Variants in CARMIL1 observed in about 807,000 individuals in gnomAD.
CARMIL1 encodes the protein capping protein regulator and myosin 1 linker 1, also known as F-actin-uncapping protein LRRC16A.
Under a neutral mutation model 177.1 loss-of-function variants are expected in CARMIL1, and 90 were observed. The observed-to-expected ratio is 0.51, with a 90% CI of 0.43 to 0.61. The LOEUF (loss-of-function observed/expected upper bound fraction) is 0.61, where lower values mean the gene tolerates loss of function less well. CARMIL1 is among the 20% of genes least tolerant of loss of function. The pLI is 0.00. For missense variants in CARMIL1, 1,380 were observed against 1,667.0 expected, an observed-to-expected ratio of 0.83 and a Z score of 3.00; for synonymous variants, 577 against 606.2, an observed-to-expected ratio of 0.95 and a Z score of 0.71.
chr6:25,497,226 G>A (rs1005798504), intron 16 of CARMIL1, among the ~76,000 whole-genome samples: 1 of 152,176 alleles, frequency 6.6e-6, no homozygotes, highest in Non-Finnish European at 1.5e-5. Context: ...AGGATGAAAA[G>A]GAATTTGCAC....
At chr6:25,508,179 G>C (rs886908644) in intron 17 of CARMIL1, among the ~76,000 whole-genome samples, 1 of 152,264 alleles carries the variant, frequency 6.6e-6, no homozygotes, top group East Asian at 1.9e-4. Context: ...AGATAGGCTC[G>C]ATGGGGCATT....
At chr6:25,282,955 A>C (rs544464760) in intron 1 of CARMIL1, among the ~76,000 whole-genome samples, 1 of 152,312 alleles carries the variant, frequency 6.6e-6, no homozygotes, top group South Asian at 2.1e-4. Context: ...TCCTATGTAC[A>C]TTTATTTGTT....
chr6:25,365,629 T>C (rs1789701534), intron 2 of CARMIL1, among the ~76,000 whole-genome samples: 1 of 152,186 alleles, frequency 6.6e-6, no homozygotes, highest in Non-Finnish European at 1.5e-5. Flanking sequence ...CTCAGCCCAC[T>C]GCAACCTTCA....
chr6:25,314,098 A>G (rs1246479699), intron 2 of CARMIL1, among the ~76,000 whole-genome samples: 2 of 149,396 alleles, frequency 1.3e-5, no homozygotes, highest in Non-Finnish European at 3.0e-5. Flanking sequence ...TGAACTCTAA[A>G]CTCTTTGGCA....
At chr6:25,551,226 T>A in intron 27 of CARMIL1, 141 bp downstream of exon 27, 1 of 632,012 alleles carries the variant, frequency 1.6e-6, no homozygotes, top group East Asian at 2.8e-5. Flanking sequence ...TATATAAATA[T>A]AACTGTGCAT....
At chr6:25,353,458 A>G (rs894607119) in intron 2 of CARMIL1, among the ~76,000 whole-genome samples, 1 of 152,118 alleles carries the variant, frequency 6.6e-6, no homozygotes, top group Non-Finnish European at 1.5e-5. Context: ...ATCTCTTGCC[A>G]TGTGTCTAAA....
intron 8 of CARMIL1, 44 bp downstream of exon 8, chr6:25,450,755 CCTCCCTCCCT>C: frequency 2.1e-6 from 1 of 466,940 alleles, no homozygotes; most frequent in South Asian, 2.4e-5. Flanking sequence ...TCCCTCCCTT[CCTCCCTCCCT>C]TCCTCCCTCC....
chr6:25,586,143 C>T (rs1813644429), intron 31 of CARMIL1, among the ~76,000 whole-genome samples: 1 of 148,610 alleles, frequency 6.7e-6, no homozygotes, highest in Non-Finnish European at 1.5e-5. Context: ...GGGGGGTTGC[C>T]CCCCACCTCC....
At chr6:25,603,592 T>C (rs914456515) in intron 33 of CARMIL1, among the ~76,000 whole-genome samples, 14 of 152,122 alleles carry the variant, frequency 9.2e-5, no homozygotes, top group African/African-American at 3.1e-4. Flanking sequence ...GCTGCAGAGC[T>C]TTTTAGGTTT....
At chr6:25,315,444 A>T (rs887278686) in intron 2 of CARMIL1, among the ~76,000 whole-genome samples, 6 of 152,094 alleles carry the variant, frequency 3.9e-5, no homozygotes, top group Admixed American at 1.3e-4. Flanking sequence ...TCTGCGGTCT[A>T]CCCTAAGGGC....
At chr6:25,532,193 G>T (rs1807833124) in intron 24 of CARMIL1, among the ~76,000 whole-genome samples, 1 of 151,800 alleles carries the variant, frequency 6.6e-6, no homozygotes, top group South Asian at 2.1e-4. Context: ...TCTGCCTCCG[G>T]GTTCAAGCGA....
intron 28 of CARMIL1, among the ~76,000 whole-genome samples, chr6:25,556,473 T>C (rs190455301): frequency 9.2e-5 from 14 of 152,320 alleles, no homozygotes; most frequent in African/African-American, 3.4e-4. Context: ...ATGTTGTCTC[T>C]TCATTTACTA....
intron 2 of CARMIL1, among the ~76,000 whole-genome samples, chr6:25,362,374 T>A (rs1350053828): frequency 6.6e-6 from 1 of 152,224 alleles, no homozygotes; most frequent in African/African-American, 2.4e-5. Context: ...CAGCTATGTA[T>A]AGTTAAAACC....
intron 2 of CARMIL1, among the ~76,000 whole-genome samples, chr6:25,357,802 A>C (rs996739844): frequency 6.6e-6 from 1 of 152,242 alleles, no homozygotes; most frequent in Non-Finnish European, 1.5e-5. Context: ...GTAGATGCTC[A>C]ATGAAGTTAG....
chr6:25,475,240 C>G (rs1801439910), intron 11 of CARMIL1, among the ~76,000 whole-genome samples: 1 of 151,900 alleles, frequency 6.6e-6, no homozygotes, highest in African/African-American at 2.4e-5. Flanking sequence ...CCTGTCTCTA[C>G]TAAAATACAA....
intron 27 of CARMIL1, 44 bp from the exon 28 acceptor site, chr6:25,553,965 T>C: frequency 7.6e-7 from 1 of 1,310,108 alleles, no homozygotes; most frequent in South Asian, 1.3e-5. Context: ...TTTCCCCTCT[T>C]GCACAAATTA....
At chr6:25,596,466 C>T (rs1814858885) in intron 32 of CARMIL1, among the ~76,000 whole-genome samples, 1 of 152,046 alleles carries the variant, frequency 6.6e-6, no homozygotes, top group Non-Finnish European at 1.5e-5. Context: ...TATTATTTTC[C>T]CACTCCCTAT....
At chr6:25,601,379 C>A (rs2151308660) in intron 33 of CARMIL1, among the ~76,000 whole-genome samples, 1 of 152,224 alleles carries the variant, frequency 6.6e-6, no homozygotes, top group African/African-American at 2.4e-5. Flanking sequence ...CAGAGATGTT[C>A]CGGGGCCAGG....
At position 25,541,946 on chromosome 6, in the gene CARMIL1, A is replaced by T. The variant is rs191389971; in HGVS notation, c.2328+1868A>T. ...AGTGCTGGGATTACAGGCATGAGCC[A>T]CTGCTCCCGGCCTCATTGTGTCTTT... On this transcript the variant is annotated intron_variant, in intron 26 of 36. Transcript: ENST00000329474. 6.6e-5 allele frequency among the ~76,000 whole-genome samples: 10 copies of T among 152,350 alleles called. No individual in the cohort carries two copies. The East Asian group carries it at 1.7e-3, about 26-fold the overall frequency.
Sources: allele counts gnomAD v4.1 joint callset (sites outside exome capture counted in the v4.1 genomes callset), GRCh38; gene constraint gnomAD v4.1.1; transcripts MANE v1.5; gene names NCBI Gene and HGNC (gene_info 2026-07-23, HGNC 2026-07-21).